BTBD9: variants seen among roughly 807,000 people sequenced by gnomAD.
BTBD9 encodes the protein BTB domain containing 9.
In BTBD9, 49 loss-of-function variants were observed where a neutral mutation model predicts 64.3. That is an observed-to-expected ratio of 0.76 (90% CI 0.61 to 0.97). The LOEUF (loss-of-function observed/expected upper bound fraction) is 0.97. Ranked by LOEUF, BTBD9 falls within the 50% of genes least tolerant of loss-of-function variation. The probability of loss-of-function intolerance (pLI) is 0.00; values close to 1 mark genes in which losing one functional copy is unlikely to be tolerated. For synonymous variants in BTBD9, 260 were observed against 274.7 expected, an observed-to-expected ratio of 0.95 and a Z score of 0.53; for missense variants, 598 against 762.1, an observed-to-expected ratio of 0.78 and a Z score of 2.53.
At chr6:38,453,747 T>C (rs1467777582) in intron 6 of BTBD9, among the ~76,000 whole-genome samples, 1 of 152,152 alleles carries the variant, frequency 6.6e-6, no homozygotes, top group Non-Finnish European at 1.5e-5. Context: ...CCTCTGCCTA[T>C]CATCCCAAAT....
chr6:38,249,690 C>T (rs1764325349), intron 9 of BTBD9, among the ~76,000 whole-genome samples: 1 of 146,012 alleles, frequency 6.8e-6, no homozygotes, highest in Admixed American at 7.0e-5. Flanking sequence ...TTGTAGCAGT[C>T]AACACAACTG....
intron 6 of BTBD9, among the ~76,000 whole-genome samples, chr6:38,532,279 C>T (rs1773834560): frequency 6.6e-6 from 1 of 152,204 alleles, no homozygotes; most frequent in Admixed American, 6.5e-5. Flanking sequence ...CCAATCCCGG[C>T]AGTCAGAACT....
chr6:38,594,429 T>C, intron 2 of BTBD9, 102 bp from the exon 3 acceptor site: 1 of 1,365,136 alleles, frequency 7.3e-7, no homozygotes. Flanking sequence ...TAAATTTTTT[T>C]AATGACACAA....
At chr6:38,203,188 T>C (rs1323240634) in intron 9 of BTBD9, among the ~76,000 whole-genome samples, 1 of 152,114 alleles carries the variant, frequency 6.6e-6, no homozygotes, top group Non-Finnish European at 1.5e-5. Context: ...TTGGTAAGAA[T>C]GAAGAGAAAA....
chr6:38,393,266 T>A (rs903672424), intron 6 of BTBD9, among the ~76,000 whole-genome samples: 2 of 152,238 alleles, frequency 1.3e-5, no homozygotes, highest in Non-Finnish European at 1.5e-5. Flanking sequence ...ATTGCTTTCA[T>A]TCTGGAGGTT....
intron 6 of BTBD9, 109 bp downstream of exon 6, chr6:38,577,491 G>C: frequency 9.1e-7 from 1 of 1,095,540 alleles, no homozygotes; most frequent in East Asian, 2.4e-5. Flanking sequence ...TTTAGTAGTT[G>C]ACATCCTGAA....
In BTBD9 at chr6:38,297,450, T is replaced by C. The variant is rs116589881; in HGVS notation, c.1265-8989A>G. Among the ~76,000 whole-genome samples, 450 of 152,362 alleles carry C rather than the reference T, an allele frequency of 3.0e-3. 2 individuals are homozygous for C. The highest frequency in any genetic ancestry group is 5.5e-3 in the Non-Finnish European group (371 of 68,038). ...TCTGTTGATTTTTGCTTTATGTGTTTTGAGACCACATCATCATGTACATCA... is the reference window on the plus strand; with the variant it reads ...TCTGTTGATTTTTGCTTTATGTGTTCTGAGACCACATCATCATGTACATCA... On this transcript the variant is annotated intron_variant, in intron 7 of 10. Transcript: ENST00000481247.
At chr6:38,449,627 G>A (rs903474804) in intron 6 of BTBD9, among the ~76,000 whole-genome samples, 1 of 152,166 alleles carries the variant, frequency 6.6e-6, no homozygotes, top group Non-Finnish European at 1.5e-5. Context: ...AAACTCAGCT[G>A]GATGCAGTGG....
Position 38,580,235 on chromosome 6 carries a change from C to T in BTBD9, c.1017G>A (p.Leu339=), listed in dbSNP as rs766354376. The T allele has an allele frequency of 6.2e-7, 1 of 1,614,098 alleles. No homozygotes were observed. The highest frequency in any genetic ancestry group is 8.5e-7 in the Non-Finnish European group (1 of 1,179,910). The stretch of plus-strand genomic sequence containing the variant: ...TCACTTACCGGCTATCTCGGTCCCA[C>T]AAGAGTATCCGTATGTGATTGATAA... ...PSIINHIRIL[L]WDRDSRSYSY... is the part of the protein sequence containing the mutation. Residue 339 remains leucine, a synonymous_variant, in exon 5 of 11, where the codon TTG becomes TTA. Transcript: ENST00000481247.
At chr6:38,588,351 T>C (rs1435428564) in intron 4 of BTBD9, 7 of 890,044 alleles carry the variant, frequency 7.9e-6, no homozygotes, top group African/African-American at 3.3e-5. Flanking sequence ...CTACTAATTA[T>C]ACTGTGGCCC....
intron 4 of BTBD9, among the ~76,000 whole-genome samples, chr6:38,585,133 G>T (rs1776456545): frequency 6.6e-6 from 1 of 151,652 alleles, no homozygotes. Flanking sequence ...ACCATCTCAG[G>T]AGACAAGAGC....
intron 7 of BTBD9, among the ~76,000 whole-genome samples, chr6:38,310,456 A>G (rs572072956): frequency 1.3e-5 from 2 of 152,278 alleles, no homozygotes; most frequent in South Asian, 4.1e-4. Flanking sequence ...TATATAATTT[A>G]TACTATGTTC....
intron 9 of BTBD9, among the ~76,000 whole-genome samples, chr6:38,209,980 C>T (rs2127498444): frequency 6.6e-6 from 1 of 152,312 alleles, no homozygotes; most frequent in Middle Eastern, 3.4e-3. Flanking sequence ...GCAGGACCCT[C>T]CCGCCAGCTC....
intron 6 of BTBD9, among the ~76,000 whole-genome samples, chr6:38,432,184 T>C (rs4131034): frequency 0.56 from 84,510 of 151,790 alleles, 23,822 homozygotes; most frequent in Middle Eastern, 0.65. Context: ...TGTTATGATG[T>C]GGTAAAAAAG....
chr6:38,406,078 C>T (rs1767147345), intron 6 of BTBD9, among the ~76,000 whole-genome samples: 1 of 152,036 alleles, frequency 6.6e-6, no homozygotes, highest in African/African-American at 2.4e-5. Flanking sequence ...GCCTCTCAAC[C>T]CAAAACCTGA....
intron 7 of BTBD9, among the ~76,000 whole-genome samples, chr6:38,342,000 A>C (rs188746170): frequency 1.4e-4 from 21 of 152,366 alleles, no homozygotes; most frequent in Middle Eastern, 3.4e-3. Context: ...AAAAATGGGA[A>C]AGAACCCCTT....
intron 6 of BTBD9, among the ~76,000 whole-genome samples, chr6:38,391,929 T>C (rs1412907949): frequency 6.6e-6 from 1 of 152,186 alleles, no homozygotes; most frequent in Non-Finnish European, 1.5e-5. Flanking sequence ...ACAGACCTGT[T>C]TTAACAGGCC....
At chr6:38,626,736 T>C (rs1371389649) in intron 1 of BTBD9, among the ~76,000 whole-genome samples, 1 of 152,230 alleles carries the variant, frequency 6.6e-6, no homozygotes, top group African/African-American at 2.4e-5. Context: ...TACATGCTCT[T>C]TGCTGCAATC....
chr6:38,288,510 A>AT, intron 7 of BTBD9, 49 bp from the exon 8 acceptor site: 1 of 1,493,364 alleles, frequency 6.7e-7, no homozygotes, highest in Non-Finnish European at 9.3e-7. Context: ...GAAGCCAAAT[A>AT]TATCTCTATA....
Sources: allele counts gnomAD v4.1 joint callset (sites outside exome capture counted in the v4.1 genomes callset), GRCh38; gene constraint gnomAD v4.1.1; transcripts MANE v1.5; gene names NCBI Gene and HGNC (gene_info 2026-07-23, HGNC 2026-07-21).